Variants in TMPRSS4 observed in about 807,000 individuals in gnomAD.
TMPRSS4 encodes transmembrane serine protease 4, also known as transmembrane protease serine 4.
TMPRSS4 carries 45 observed loss-of-function variants against 56.4 expected under a neutral mutation model. That is an observed-to-expected ratio of 0.80 (90% confidence interval 0.63 to 1.02). The LOEUF is 1.02. TMPRSS4 is among the 50% of genes least tolerant of loss of function. The probability of loss-of-function intolerance (pLI) is 0.00; values close to 1 mark genes in which losing one functional copy is unlikely to be tolerated. For missense variants in TMPRSS4, 546 were observed against 556.7 expected (o/e 0.98, Z 0.19); for synonymous variants, 205 against 211.0 (o/e 0.97, Z 0.25).
rs759359139 is a variant in TMPRSS4, at chr11:118,113,458, A to C, written c.910+23A>C. 6.2e-6 allele frequency: 10 copies of C among 1,610,104 alleles called. No homozygotes were observed. In the African/African-American group the frequency reaches 1.3e-4, roughly 22 times the overall value. ...CAGGTGAGAAGCAGGGCCCAAGGCCACTCAAGCCTCTTACATCAGTTTTCA... is the reference window on the plus strand; with the variant it reads ...CAGGTGAGAAGCAGGGCCCAAGGCCCCTCAAGCCTCTTACATCAGTTTTCA... On this transcript the variant is annotated intron_variant, in intron 9 of 12. Coordinates refer to ENST00000437212, the MANE Select transcript of TMPRSS4 (RefSeq NM_019894.4).
intron 2 of TMPRSS4, 65 bp from the exon 3 acceptor site, chr11:118,098,920 T>A: frequency 7.6e-7 from 1 of 1,323,304 alleles, no homozygotes; most frequent in Non-Finnish European, 1.1e-6. Context: ...GGCTGTGGAG[T>A]TTGGCTCAGG....
At chr11:118,109,064 G>C (rs375291608) in intron 7 of TMPRSS4, among the ~76,000 whole-genome samples, 168 bp downstream of exon 7, 1 of 152,200 alleles carries the variant, frequency 6.6e-6, no homozygotes, top group Non-Finnish European at 1.5e-5. Flanking sequence ...GTGGCCTTGG[G>C]CAGGTCACAT....
intron 3 of TMPRSS4, among the ~76,000 whole-genome samples, chr11:118,101,457 G>T (rs1347195041): frequency 6.6e-6 from 1 of 151,972 alleles, no homozygotes; most frequent in East Asian, 1.9e-4. Context: ...CTTCACTAAG[G>T]AAAAGTTTGT....
chr11:118,093,071 C>T (rs192024581), intron 1 of TMPRSS4, among the ~76,000 whole-genome samples: 1 of 152,216 alleles, frequency 6.6e-6, no homozygotes, highest in Admixed American at 6.5e-5. Context: ...GACTGCAGAA[C>T]CAGGCTGTGT....
At chr11:118,088,496 C>T (rs1945736391) in intron 1 of TMPRSS4, among the ~76,000 whole-genome samples, 1 of 152,226 alleles carries the variant, frequency 6.6e-6, no homozygotes, top group African/African-American at 2.4e-5. Flanking sequence ...CTTCCACCTC[C>T]CCACCTCACC....
At chr11:118,115,328 C>A in intron 11 of TMPRSS4, 48 bp downstream of exon 11, 2 of 1,590,294 alleles carry the variant, frequency 1.3e-6, no homozygotes, top group African/African-American at 1.4e-5. Flanking sequence ...GGGTTTAGGT[C>A]CTAGAGAGAT....
rs949065424 is a variant in TMPRSS4 at position 118,115,367 on chromosome 11, A to G, written c.1152+87A>G. On this transcript the variant is annotated intron_variant, in intron 11 of 12. Coordinates refer to ENST00000437212, the MANE Select transcript of TMPRSS4 (RefSeq NM_019894.4). Reference sequence around the variant, plus strand: ...AAAACCCAGAGGCTGCATGCCCTACAGGAAGCCTTGCATATCATGGGCACT... The same window carrying G: ...AAAACCCAGAGGCTGCATGCCCTACGGGAAGCCTTGCATATCATGGGCACT... 3.3e-6 allele frequency: 5 copies of G among 1,509,782 alleles called. No homozygotes were observed. The Admixed American group carries it at 1.1e-4, about 35-fold the overall frequency. The allele number at this position is 1,509,782 out of a possible 1,614,324, so 93.5% of individuals were successfully genotyped here. A position where few individuals can be genotyped will look rare whatever the true frequency, so the allele number is the denominator to read the frequency against.
Position 118,117,360 on chromosome 11 carries a change from T to C in TMPRSS4, c.1208T>C (p.Ile403Thr), listed in dbSNP as rs753701129. 6.2e-7 allele frequency: 1 copy of C among 1,614,120 alleles called. No homozygotes were observed. The highest frequency in any genetic ancestry group is 1.1e-5 in the South Asian group (1 of 91,076). Residue 403 changes from isoleucine to threonine, a missense_variant, in exon 12 of 13, where the codon ATC becomes ACC. Transcript: ENST00000437212. ...TCTGACCAGTGGCATGTGGTGGGCA[T>C]CGTTAGTTGGGGCTATGGCTGCGGG... ...YQSDQWHVVG[I>T]VSWGYGCGGP... is the part of the protein sequence containing the mutation.
intron 1 of TMPRSS4, among the ~76,000 whole-genome samples, chr11:118,077,701 G>A (rs2135167295): frequency 6.6e-6 from 1 of 152,288 alleles, no homozygotes; most frequent in South Asian, 2.1e-4. Context: ...TGGGGAAACT[G>A]ATTCCTTTTC....
rs1947118447 is a variant in TMPRSS4 at position 118,108,606 on chromosome 11, C to T, written c.543-250C>T. ...TTGGGTCCCAGGAGCCCAGGCTGGG[C>T]TTTGAAGCAGGCAGGGCCCAGCACA... On this transcript the variant is annotated intron_variant, in intron 6 of 12. Coordinates refer to ENST00000437212, the MANE Select transcript of TMPRSS4 (RefSeq NM_019894.4). The T allele has an allele frequency of 1.2e-5, 6 of 504,470 alleles. No homozygotes were observed. In the South Asian group the frequency reaches 1.8e-4, roughly 15 times the overall value. The allele number at this position is 504,470 out of a possible 1,614,324, so 31.2% of individuals were successfully genotyped here. A position where few individuals can be genotyped will look rare whatever the true frequency, so the allele number is the denominator to read the frequency against.
rs1037813893 is a variant in TMPRSS4, at chr11:118,118,584, T to C, written c.*671T>C. On this transcript the variant is annotated 3_prime_UTR_variant, in exon 13 of 13. Transcript: ENST00000437212. ...AAGTAGAGGCAGGGGAAAAAAGAGT[T>C]AGGGAGACCAGATCTGCTGAGTGGC... 42 of 985,258 alleles carry C rather than the reference T, an allele frequency of 4.3e-5. No homozygotes were observed. The highest frequency in any genetic ancestry group is 7.0e-5 in the African/African-American group (4 of 57,178). 61.0% of individuals were successfully genotyped at this position (985,258 alleles called of 1,614,324 possible). A position where few individuals can be genotyped will look rare whatever the true frequency, so the allele number is the denominator to read the frequency against.
At chr11:118,077,455 C>T (rs1486723597) in intron 1 of TMPRSS4, 150 bp downstream of exon 1, 15 of 910,414 alleles carry the variant, frequency 1.6e-5, no homozygotes, top group Non-Finnish European at 2.3e-5. Flanking sequence ...CCTCACACCC[C>T]AGCCCGGTAC....
rs1367071239 is a variant in TMPRSS4, at chr11:118,096,860, A to G, written c.43+2005A>G. On this transcript the variant is annotated intron_variant, in intron 2 of 12. Transcript: ENST00000437212. ...GAAGGAAAGAAGGAAAGAAAGAAAG[A>G]AAGAAAGAAAGAAAGAAAGAAAGAA... 3.8e-3 allele frequency among the ~76,000 whole-genome samples: 138 copies of G among 36,188 alleles called. 12 individuals carry two copies. Among genetic ancestry groups the G allele is most frequent in the African/African-American group, 0.015 (129 of 8,842 alleles). 23.7% of individuals were successfully genotyped at this position (36,188 alleles called of 152,430 possible).
intron 3 of TMPRSS4, among the ~76,000 whole-genome samples, chr11:118,100,414 CACTGAGAGAGACTCTGG>C (rs1363655178): frequency 6.6e-6 from 1 of 152,214 alleles, no homozygotes; most frequent in Non-Finnish European, 1.5e-5. Flanking sequence ...GGTTAGAGGA[CACTGAGAGAGACTCTGG>C]TCCTCATTCT....
At chr11:118,108,805 TC>T (rs1429023397) in intron 6 of TMPRSS4, 50 bp from the exon 7 acceptor site, 2 of 1,608,880 alleles carry the variant, frequency 1.2e-6, no homozygotes, top group Middle Eastern at 1.7e-4. Context: ...AGTCCCTGCC[TC>T]CCAGCTGAGG....
chr11:118,088,484 C>T (rs888840588), intron 1 of TMPRSS4, among the ~76,000 whole-genome samples: 2 of 152,210 alleles, frequency 1.3e-5, no homozygotes, highest in African/African-American at 4.8e-5. Context: ...AACACCCACC[C>T]ACTTCCACCT....
chr11:118,087,751 CAGG>C (rs1945662580), intron 1 of TMPRSS4: 1 of 152,220 alleles, frequency 6.6e-6, no homozygotes, highest in African/African-American at 2.4e-5. Flanking sequence ...TAAGCCCAAC[CAGG>C]AGGTTCCCCA....
chr11:118,082,000 T>C (rs550336241), intron 1 of TMPRSS4, among the ~76,000 whole-genome samples: 281 of 152,186 alleles, frequency 1.8e-3, no homozygotes, highest in Non-Finnish European at 3.4e-3. Flanking sequence ...CTCACCTTCA[T>C]CCCATCTCCA....
Position 118,118,113 on chromosome 11 carries a change from G to T in TMPRSS4, c.*200G>T, listed in dbSNP as rs1320626165. 1.3e-5 allele frequency: 19 copies of T among 1,429,900 alleles called. No individual in the cohort carries two copies. The East Asian group carries it at 4.6e-4, about 34-fold the overall frequency. 88.6% of individuals were successfully genotyped at this position (1,429,900 alleles called of 1,614,324 possible). A position where few individuals can be genotyped will look rare whatever the true frequency, so the allele number is the denominator to read the frequency against. On this transcript the variant is annotated 3_prime_UTR_variant, in exon 13 of 13. Transcript: ENST00000437212. ...CAGAGGCGCCCAGAGGAAGTCAGCA[G>T]CCCTAGCTCGGCCACACTTGGTGCT...
Sources: allele counts gnomAD v4.1 joint callset (sites outside exome capture counted in the v4.1 genomes callset), GRCh38; gene constraint gnomAD v4.1.1; transcripts MANE v1.5; gene names NCBI Gene and HGNC (gene_info 2026-07-23, HGNC 2026-07-21).